SLC9A9: variants seen among roughly 807,000 people sequenced by gnomAD.
The protein encoded by SLC9A9 is sodium/hydrogen exchanger 9.
SLC9A9 carries 62 observed loss-of-function variants against 77.8 expected under a neutral mutation model. The ratio of observed to expected loss-of-function variants is 0.80; its 90% CI spans 0.65 to 0.98. SLC9A9 has a LOEUF of 0.98. Ranked by LOEUF, SLC9A9 falls within the 50% of genes least tolerant of loss-of-function variation. The probability of loss-of-function intolerance (pLI) is 0.00; values close to 1 mark genes in which losing one functional copy is unlikely to be tolerated. For synonymous variants in SLC9A9, 320 were observed against 283.5 expected (o/e 1.13, Z -1.29); for missense variants, 775 against 774.9 (o/e 1.00, Z 0.00).
intron 13 of SLC9A9, among the ~76,000 whole-genome samples, chr3:143,365,068 C>T (rs547601870): frequency 6.6e-6 from 1 of 152,282 alleles, no homozygotes; most frequent in South Asian, 2.1e-4. Flanking sequence ...AAATGTGGTA[C>T]ATATATACCC....
At chr3:143,337,581 C>T (rs1457854568) in intron 14 of SLC9A9, among the ~76,000 whole-genome samples, 2 of 152,190 alleles carry the variant, frequency 1.3e-5, no homozygotes, top group African/African-American at 2.4e-5. Flanking sequence ...GTAGCAGAAT[C>T]CCCTGGGACG....
chr3:143,843,756 A>T (rs2009763915), intron 1 of SLC9A9, among the ~76,000 whole-genome samples: 1 of 152,202 alleles, frequency 6.6e-6, no homozygotes, highest in African/African-American at 2.4e-5. Flanking sequence ...TCAGGGAGCA[A>T]GGAGCAAATT....
intron 12 of SLC9A9, among the ~76,000 whole-genome samples, chr3:143,393,453 G>A (rs1334801566): frequency 6.6e-6 from 1 of 152,226 alleles, no homozygotes; most frequent in African/African-American, 2.4e-5. Flanking sequence ...TCAAAACAGT[G>A]TGTAGAGGGA....
chr3:143,787,623 A>G (rs574661481), intron 4 of SLC9A9, among the ~76,000 whole-genome samples: 1 of 152,076 alleles, frequency 6.6e-6, no homozygotes, highest in Non-Finnish European at 1.5e-5. Flanking sequence ...ATCATAGATG[A>G]CTTTATTTCA....
chr3:143,378,186 G>A (rs2033223999), intron 13 of SLC9A9, among the ~76,000 whole-genome samples: 1 of 152,210 alleles, frequency 6.6e-6, no homozygotes, highest in African/African-American at 2.4e-5. Context: ...TACTCTGGGA[G>A]GAAGAGAGCT....
chr3:143,830,242 G>T (rs537948164), intron 2 of SLC9A9, among the ~76,000 whole-genome samples: 3 of 152,270 alleles, frequency 2.0e-5, no homozygotes, highest in African/African-American at 7.2e-5. Flanking sequence ...ATGAGAGGAG[G>T]ACTTAGTCAG....
intron 11 of SLC9A9, among the ~76,000 whole-genome samples, chr3:143,485,588 TAAAC>T (rs911665292): frequency 1.3e-5 from 2 of 151,788 alleles, no homozygotes; most frequent in Non-Finnish European, 2.9e-5. Context: ...TTAACAAGAA[TAAAC>T]AAACAAACAA....
intron 14 of SLC9A9, among the ~76,000 whole-genome samples, chr3:143,350,427 C>G (rs75488667): frequency 0.011 from 1,694 of 152,242 alleles, 32 homozygotes; most frequent in African/African-American, 0.037. Context: ...ATCCAGACAC[C>G]TTCACCTGAT....
intron 7 of SLC9A9, 24 bp downstream of exon 7, chr3:143,578,561 T>C: frequency 6.2e-7 from 1 of 1,613,722 alleles, no homozygotes; most frequent in Middle Eastern, 1.7e-4. Flanking sequence ...CAGTCCCAGC[T>C]TTCCACATAC....
At chr3:143,815,946 T>A (rs556794699) in intron 2 of SLC9A9, among the ~76,000 whole-genome samples, 6 of 152,294 alleles carry the variant, frequency 3.9e-5, no homozygotes, top group Middle Eastern at 3.4e-3. Context: ...TCGAGAGACA[T>A]GTGCAAGGTC....
At chr3:143,582,693 G>C (rs1465200198) in intron 6 of SLC9A9, among the ~76,000 whole-genome samples, 1 of 152,224 alleles carries the variant, frequency 6.6e-6, no homozygotes, top group African/African-American at 2.4e-5. Flanking sequence ...TGGCTCAGTG[G>C]ATCAAGGAGG....
rs867338550 is a variant in SLC9A9 at position 143,449,973 on chromosome 3, A to G, written c.1469+17064T>C. 3.5e-3 allele frequency among the ~76,000 whole-genome samples: 304 copies of G among 86,206 alleles called. 7 individuals are homozygous for G. Among genetic ancestry groups the G allele is most frequent in the African/African-American group, 0.013 (276 of 21,218 alleles). The allele number at this position is 86,206 out of a possible 152,430, so 56.6% of individuals were successfully genotyped here. On this transcript the variant is annotated intron_variant, in intron 12 of 15. Coordinates refer to ENST00000316549, the MANE Select transcript of SLC9A9 (RefSeq NM_173653.4). ...ATATACATTATATAATATATATAATATATATTATATGTATATATACATATA... is the reference window on the plus strand; with the variant it reads ...ATATACATTATATAATATATATAATGTATATTATATGTATATATACATATA...
chr3:143,673,585 A>G (rs1341074455), intron 5 of SLC9A9, among the ~76,000 whole-genome samples: 1 of 143,036 alleles, frequency 7.0e-6, no homozygotes. Context: ...GTGGGAGGGC[A>G]GGGCATAAAA....
chr3:143,835,132 T>C (rs2009536584), intron 1 of SLC9A9, among the ~76,000 whole-genome samples: 1 of 152,146 alleles, frequency 6.6e-6, no homozygotes, highest in Non-Finnish European at 1.5e-5. Context: ...CTTCCTTCTC[T>C]CTCTTCACAG....
intron 5 of SLC9A9, among the ~76,000 whole-genome samples, chr3:143,669,690 G>A (rs2039128813): frequency 6.6e-6 from 1 of 152,188 alleles, no homozygotes. Flanking sequence ...AAACTTGACT[G>A]TGATGTCAAA....
chr3:143,391,272 GCAGCAACATTTGCTGTT>G (rs1156746098), intron 12 of SLC9A9, among the ~76,000 whole-genome samples: 4 of 152,340 alleles, frequency 2.6e-5, no homozygotes, highest in South Asian at 4.1e-4. Context: ...GAACGATCAG[GCAGCAACATTTGCTGTT>G]CAGCAATATT....
chr3:143,282,773 A>G (rs560972011), intron 14 of SLC9A9, among the ~76,000 whole-genome samples: 2 of 152,344 alleles, frequency 1.3e-5, no homozygotes, highest in South Asian at 4.1e-4. Flanking sequence ...TGTTAACCAT[A>G]CATAGATTGT....
At chr3:143,814,126 AC>A (rs1338768293) in intron 2 of SLC9A9, among the ~76,000 whole-genome samples, 4 of 152,220 alleles carry the variant, frequency 2.6e-5, no homozygotes, top group Non-Finnish European at 5.9e-5. Flanking sequence ...TCCATAAGGA[AC>A]CTATGTTTCT....
intron 6 of SLC9A9, among the ~76,000 whole-genome samples, chr3:143,618,219 A>G (rs2108708298): frequency 6.6e-6 from 1 of 152,362 alleles, no homozygotes; most frequent in African/African-American, 2.4e-5. Context: ...CCTAAAGTCA[A>G]TAATGCATAA....
Sources: gnomAD v4.1 joint callset for allele counts (sites outside exome capture counted in the v4.1 genomes callset) on GRCh38, gnomAD v4.1.1 for gene constraint, MANE v1.5 for transcripts, NCBI Gene and HGNC (gene_info 2026-07-23, HGNC 2026-07-21) for gene names.